HUNK: variants seen among roughly 807,000 people sequenced by gnomAD.
The protein encoded by HUNK is hormonally up-regulated Neu-associated kinase, also known as hormonally up-regulated neu tumor-associated kinase.
A neutral mutation model predicts 61.0 loss-of-function variants in HUNK; 21 were observed. That is an observed-to-expected ratio of 0.34 (90% CI 0.24 to 0.50). HUNK has a LOEUF of 0.50. Among genes scored for constraint, HUNK ranks in the 20% least tolerant of loss-of-function variants. The probability of loss-of-function intolerance (pLI) is 0.98; values close to 1 mark genes in which losing one functional copy is unlikely to be tolerated. For synonymous variants in HUNK, 371 were observed against 386.1 expected (o/e 0.96, Z 0.46); for missense variants, 772 against 945.7 (o/e 0.82, Z 2.41).
At chr21:31,965,004 A>G (rs1473436802) in intron 5 of HUNK, among the ~76,000 whole-genome samples, 2 of 152,154 alleles carry the variant, frequency 1.3e-5, no homozygotes, top group Admixed American at 6.5e-5. Context: ...CACCCGCTCC[A>G]ATTCATTAAG....
chr21:31,951,414 A>T (rs2052849090), intron 4 of HUNK, among the ~76,000 whole-genome samples: 1 of 152,184 alleles, frequency 6.6e-6, no homozygotes. Flanking sequence ...TCAGAATATT[A>T]CAATACTCAT....
At chr21:31,926,037 C>T (rs2123817355) in intron 2 of HUNK, among the ~76,000 whole-genome samples, 1 of 152,182 alleles carries the variant, frequency 6.6e-6, no homozygotes, top group East Asian at 1.9e-4. Context: ...TCCTGTGTCA[C>T]CCACCCTAGT....
In HUNK at chr21:31,958,761, C is replaced by A. The variant is rs372059855; in HGVS notation, c.747-82C>A. 24 of 1,343,690 alleles carry A rather than the reference C, an allele frequency of 1.8e-5. No individual in the cohort carries two copies. The Admixed American group carries it at 2.0e-4, about 11-fold the overall frequency. 83.2% of individuals were successfully genotyped at this position (1,343,690 alleles called of 1,614,324 possible). ...GTTGGCATGGAAGCAGCAGCTCCCA[C>A]GCTTCGGTGAAGCCCGTGTCCCCAG... On this transcript the variant is annotated intron_variant, in intron 4 of 10. Transcript: ENST00000270112.
chr21:31,983,508 T>G lies in HUNK; in HGVS notation c.1174-18T>G. 3 of 1,601,218 alleles carry G rather than the reference T, an allele frequency of 1.9e-6. No individual in the cohort carries two copies. The highest frequency in any genetic ancestry group is 2.6e-6 in the Non-Finnish European group (3 of 1,168,760). ...TTTCTGAGAGTTGAGCTGTGCTTTT[T>G]CTTTTCTCCTCTGGTAGAAATCTGA... On this transcript the variant is annotated intron_variant, in intron 7 of 10. Transcript: ENST00000270112.
intron 1 of HUNK, among the ~76,000 whole-genome samples, chr21:31,910,030 C>T (rs1185225217): frequency 6.6e-6 from 1 of 152,198 alleles, no homozygotes; most frequent in Non-Finnish European, 1.5e-5. Flanking sequence ...CAAATCATTT[C>T]CTCCAGTGCT....
intron 1 of HUNK, among the ~76,000 whole-genome samples, chr21:31,922,060 A>C (rs1187927282): frequency 6.6e-6 from 1 of 152,174 alleles, no homozygotes; most frequent in Non-Finnish European, 1.5e-5. Context: ...CTTGTTGCCC[A>C]GGCTGGAGTG....
intron 1 of HUNK, among the ~76,000 whole-genome samples, chr21:31,898,735 C>T (rs549031918): frequency 7.9e-5 from 12 of 152,218 alleles, no homozygotes; most frequent in African/African-American, 2.9e-4. Context: ...GGGGTCCAAG[C>T]TTCTGGAAGT....
chr21:31,995,121 T>C (rs889484126), intron 9 of HUNK, among the ~76,000 whole-genome samples: 1 of 132,414 alleles, frequency 7.6e-6, no homozygotes, highest in African/African-American at 2.9e-5. Flanking sequence ...ATGACACCAC[T>C]GCACCCCAGC....
chr21:31,883,658 A>G (rs1333160769), intron 1 of HUNK, among the ~76,000 whole-genome samples: 1 of 152,144 alleles, frequency 6.6e-6, no homozygotes, highest in Non-Finnish European at 1.5e-5. Context: ...AGGATAATTG[A>G]TAAGTTTTGG....
intron 4 of HUNK, among the ~76,000 whole-genome samples, chr21:31,948,926 T>C (rs953724902): frequency 2.6e-5 from 4 of 152,178 alleles, no homozygotes; most frequent in African/African-American, 4.8e-5. Flanking sequence ...GAACCCTGGC[T>C]AAGAGGACCT....
At chr21:31,907,080 C>T (rs2052511086) in intron 1 of HUNK, among the ~76,000 whole-genome samples, 1 of 152,078 alleles carries the variant, frequency 6.6e-6, no homozygotes, top group Admixed American at 6.5e-5. Flanking sequence ...GAGGCTGAGG[C>T]AGGAGAATTT....
chr21:31,888,574 T>G (rs536746761), intron 1 of HUNK, among the ~76,000 whole-genome samples: 1 of 152,248 alleles, frequency 6.6e-6, no homozygotes, highest in Admixed American at 6.5e-5. Flanking sequence ...CTGTTTCTAC[T>G]GAAAATACAA....
chr21:31,963,352 C>G (rs974774120), intron 5 of HUNK, among the ~76,000 whole-genome samples: 3 of 152,022 alleles, frequency 2.0e-5, no homozygotes, highest in Non-Finnish European at 2.9e-5. Flanking sequence ...ATAAGACGCA[C>G]CCCCCCTACA....
At position 31,924,341 on chromosome 21, in the gene HUNK, G is replaced by C; in HGVS notation, c.262-127G>C. On this transcript the variant is annotated intron_variant, in intron 1 of 10. Coordinates refer to ENST00000270112, the MANE Select transcript of HUNK (RefSeq NM_014586.2). The surrounding 1 kb of genome is among the most constrained non-coding windows in gnomAD (Gnocchi z 5.1). ...TATATATATATTTTCTGTTGATGCT[G>C]TTTTAGGTAAGGTGTTTCTCCTCTG... 1 of 714,298 alleles carries C rather than the reference G, an allele frequency of 1.4e-6. No homozygotes were observed. Among genetic ancestry groups the C allele is most frequent in the Admixed American group, 2.9e-5 (1 of 34,428 alleles). The allele number at this position is 714,298 out of a possible 1,614,324, so 44.2% of individuals were successfully genotyped here.
rs1409532157 is a variant in HUNK at position 31,974,717 on chromosome 21, G to T, written c.1173G>T (p.Gly391=). Residue 391 remains glycine (G), a splice_region_variant and synonymous_variant, in exon 7 of 11, where the codon GGG becomes GGT. Coordinates refer to ENST00000270112, the MANE Select transcript of HUNK (RefSeq NM_014586.2). ...LNKKLERYLS[G]KSDIQDSLCY... is the part of the protein sequence containing the mutation. ...AGAAACTGGAGCGCTATTTGTCAGG[G>T]GTAAGTGCGACCCTAGAGGCGATCG... is the stretch of plus-strand genomic sequence containing the variant. The T allele has an allele frequency of 1.2e-6, 2 of 1,612,296 alleles. No individual in the cohort carries two copies. The highest frequency in any genetic ancestry group is 1.7e-6 in the Non-Finnish European group (2 of 1,179,240).
At chr21:31,917,031 G>A (rs2123810976) in intron 1 of HUNK, among the ~76,000 whole-genome samples, 1 of 152,192 alleles carries the variant, frequency 6.6e-6, no homozygotes. Context: ...CTCTGTAGCT[G>A]CTGCTAGTGA....
chr21:31,897,961 T>C (rs1402740530), intron 1 of HUNK, among the ~76,000 whole-genome samples: 1 of 152,176 alleles, frequency 6.6e-6, no homozygotes, highest in Non-Finnish European at 1.5e-5. Context: ...CTTGGGCTTA[T>C]GGTTCATTGG....
chr21:31,898,367 G>A (rs1474303760), intron 1 of HUNK, among the ~76,000 whole-genome samples: 1 of 152,302 alleles, frequency 6.6e-6, no homozygotes, highest in East Asian at 1.9e-4. Flanking sequence ...CCAGTTTCAA[G>A]TGATTCTCTT....
At chr21:31,904,295 C>T (rs1568921182) in intron 1 of HUNK, among the ~76,000 whole-genome samples, 1 of 152,070 alleles carries the variant, frequency 6.6e-6, no homozygotes, top group Non-Finnish European at 1.5e-5. Flanking sequence ...AATGGTTGAA[C>T]AAATGGTAAA....
Sources: allele counts gnomAD v4.1 joint callset (sites outside exome capture counted in the v4.1 genomes callset), GRCh38; gene constraint gnomAD v4.1.1; non-coding constraint Gnocchi (gnomAD v3.1); transcripts MANE v1.5; gene names NCBI Gene and HGNC (gene_info 2026-07-23, HGNC 2026-07-21).